PSMB4: variants seen among roughly 807,000 people sequenced by gnomAD.
PSMB4 encodes proteasome 20S subunit beta 4.
In PSMB4, 16 loss-of-function variants were observed where a neutral mutation model predicts 35.2. The observed-to-expected ratio is 0.45, with a 90% CI of 0.31 to 0.69. The LOEUF (loss-of-function observed/expected upper bound fraction) is 0.69. Among genes scored for constraint, PSMB4 ranks in the 30% least tolerant of loss-of-function variants. PSMB4 has a pLI of 0.06. For missense variants in PSMB4, 333 were observed against 351.8 expected (o/e 0.95, Z 0.43); for synonymous variants, 144 against 134.1 (o/e 1.07, Z -0.51).
chr1:151,401,226 C>T lies in PSMB4; in HGVS notation c.577-13C>T, dbSNP rs201621447. On this transcript the variant is annotated splice_polypyrimidine_tract_variant and intron_variant, in intron 4 of 6. Transcript: ENST00000290541. ...CCCAATATCCCCCCATGGTTTTCCCCCAATCTCCCTAGCCTCTGCTGCGAG... is the reference window on the plus strand; with the variant it reads ...CCCAATATCCCCCCATGGTTTTCCCTCAATCTCCCTAGCCTCTGCTGCGAG... 5.0e-6 allele frequency: 8 copies of T among 1,610,680 alleles called. No individual in the cohort carries two copies. The East Asian group carries it at 1.8e-4, about 36-fold the overall frequency.
chr1:151,401,638 A>G lies in PSMB4; in HGVS notation c.782+8A>G. ...TATTGCCCACATGATCAGGTGAGTA[A>G]TAGGGAAAAAATTGGTGACAGACTT... is the stretch of plus-strand genomic sequence containing the variant. On this transcript the variant is annotated splice_region_variant and intron_variant, in intron 6 of 6. Transcript: ENST00000290541. 6.3e-7 allele frequency: 1 copy of G among 1,594,106 alleles called. No homozygotes were observed.
chr1:151,401,092 A>G, intron 4 of PSMB4, 147 bp from the exon 5 acceptor site: 1 of 817,420 alleles, frequency 1.2e-6, no homozygotes. Flanking sequence ...AGTGGCTCTT[A>G]GCTTATTTTC....
Position 151,400,770 on chromosome 1 carries a change from C to T in PSMB4, c.501C>T (p.Leu167=), listed in dbSNP as rs750425737. ...IGGYADGESF[L]GYVDMLGVAY... ...ACCCATTGTGTCCTGTTAGCTTCCT[C>T]GGTTATGTGGACATGCTTGGTGTAG... The change falls in exon 4 of 7, where the codon CTC becomes CTT. Residue 167 remains leucine, a synonymous_variant. Coordinates refer to ENST00000290541, the MANE Select transcript of PSMB4 (RefSeq NM_002796.3). The T allele has an allele frequency of 1.9e-6, 3 of 1,614,140 alleles. No homozygotes were observed. Among genetic ancestry groups the T allele is most frequent in the Non-Finnish European group, 2.5e-6 (3 of 1,180,018 alleles).
At position 151,400,505 on chromosome 1, in the gene PSMB4, G is replaced by C; in HGVS notation, c.411G>C (p.Leu137=). 1 of 1,614,032 alleles carries C rather than the reference G, an allele frequency of 6.2e-7. No homozygotes were observed. The highest frequency in any genetic ancestry group is 1.3e-5 in the African/African-American group (1 of 75,038). The part of the protein sequence containing the change: ...SYSPRAIHSW[L]TRAMYSRRSK... ...GTCCTAGAGCTATTCATTCATGGCTGACCAGGGCCATGTACAGCCGGCGCT... is the reference window on the plus strand; with the variant it reads ...GTCCTAGAGCTATTCATTCATGGCTCACCAGGGCCATGTACAGCCGGCGCT... The change falls in exon 3 of 7, where the codon CTG becomes CTC. Residue 137 remains leucine (L), a synonymous_variant. Transcript: ENST00000290541.
chr1:151,400,981 G>T, intron 4 of PSMB4, 136 bp downstream of exon 4: 1 of 938,862 alleles, frequency 1.1e-6, no homozygotes, highest in South Asian at 1.4e-5. Context: ...TTTCTTTGTA[G>T]TCTGGGGGCT....
In PSMB4 at chr1:151,401,508, C is replaced by T. The variant is rs761578992; in HGVS notation, c.694-34C>T. On this transcript the variant is annotated intron_variant, in intron 5 of 6. Transcript: ENST00000290541. ...TGACCTTTCATTTAAGGACTTAAGG[C>T]GTGGGCATTATTGAATGCTCTGCTT... 2.7e-5 allele frequency: 42 copies of T among 1,563,904 alleles called. No individual in the cohort carries two copies. The East Asian group carries it at 5.6e-4, about 21-fold the overall frequency.
rs540582656 is a variant in PSMB4, at chr1:151,401,550, C to A, written c.702C>A (p.Ile234=). ...RDARSYNRFQ[I]ATVTEKGVEI... ...GCTCTGCTTTCTTCCAGTTTCAAAT[C>A]GCCACTGTCACCGAAAAAGGTGTTG... The change falls in exon 6 of 7, where the codon ATC becomes ATA. Residue 234 remains isoleucine (I), a synonymous_variant. Transcript: ENST00000290541. 5 of 1,610,632 alleles carry A rather than the reference C, an allele frequency of 3.1e-6. No individual in the cohort carries two copies. Among genetic ancestry groups the A allele is most frequent in the Non-Finnish European group, 2.5e-6 (3 of 1,176,844 alleles).
chr1:151,400,653 T>C, intron 3 of PSMB4, 65 bp downstream of exon 3: 1 of 1,612,188 alleles, frequency 6.2e-7, no homozygotes, highest in Non-Finnish European at 8.5e-7. Context: ...TAGTATCTCT[T>C]CTGTCTCTTC....
intron 4 of PSMB4, 177 bp from the exon 5 acceptor site, chr1:151,401,062 A>G (rs1571305689): frequency 1.3e-6 from 1 of 755,892 alleles, no homozygotes; most frequent in Non-Finnish European, 2.3e-6. Flanking sequence ...AAGAGAGGAC[A>G]CCCTAGAACT....
At chr1:151,400,218 C>G (rs1013323907) in intron 2 of PSMB4, 31 bp downstream of exon 2, 5 of 1,604,926 alleles carry the variant, frequency 3.1e-6, no homozygotes, top group Admixed American at 1.7e-5. Flanking sequence ...GAGAGTGGTT[C>G]CCAAGTAGAG....
At position 151,400,647 on chromosome 1, in the gene PSMB4, A is replaced by G. The variant is rs763115700; in HGVS notation, c.494+59A>G. On this transcript the variant is annotated intron_variant, in intron 3 of 6. Transcript: ENST00000290541. ...CCACCCAACCTAGTACCTGTGTAGTATCTCTTCTGTCTCTTCTCCCCAAGT... is the reference window on the plus strand; with the variant it reads ...CCACCCAACCTAGTACCTGTGTAGTGTCTCTTCTGTCTCTTCTCCCCAAGT... 7 of 1,612,436 alleles carry G rather than the reference A, an allele frequency of 4.3e-6. No homozygotes were observed. In the African/African-American group the frequency reaches 8.0e-5, roughly 18 times the overall value.
chr1:151,399,995 C>T lies in PSMB4; in HGVS notation c.155C>T (p.Thr52Ile), dbSNP rs746758423. Residue 52 changes from threonine to isoleucine, a missense_variant, in exon 2 of 7, where the codon ACC becomes ATC. Physicochemically the swap from Thr to Ile is moderately conservative, Grantham distance 89 (BLOSUM62 -1). Coordinates refer to ENST00000290541, the MANE Select transcript of PSMB4 (RefSeq NM_002796.3). ...TCACTCTTTAGGAACCCCATGGTGACCGGGACCTCAGTCCTCGGCGTTAAG... is the reference window on the plus strand; with the variant it reads ...TCACTCTTTAGGAACCCCATGGTGATCGGGACCTCAGTCCTCGGCGTTAAG... ...PITRTQNPMV[T>I]GTSVLGVKFE... 5 of 1,613,914 alleles carry T rather than the reference C, an allele frequency of 3.1e-6. No homozygotes were observed. Among genetic ancestry groups the T allele is most frequent in the East Asian group, 2.2e-5 (1 of 44,892 alleles).
At chr1:151,401,707 T>C in intron 6 of PSMB4, 77 bp downstream of exon 6, 11 of 1,540,624 alleles carry the variant, frequency 7.1e-6, no homozygotes, top group South Asian at 2.2e-5. Flanking sequence ...TCTGGGAGGC[T>C]CACCCAGGAA....
chr1:151,401,550 C>G lies in PSMB4; in HGVS notation c.702C>G (p.Ile234Met), dbSNP rs540582656. The G allele has an allele frequency of 1.2e-6, 2 of 1,610,632 alleles. No individual in the cohort carries two copies. The highest frequency in any genetic ancestry group is 1.7e-6 in the Non-Finnish European group (2 of 1,176,844). The change falls in exon 6 of 7, where the codon ATC (isoleucine) becomes ATG (methionine). Residue 234 changes from isoleucine to methionine, a missense_variant. Coordinates refer to ENST00000290541, the MANE Select transcript of PSMB4 (RefSeq NM_002796.3). ...GCTCTGCTTTCTTCCAGTTTCAAAT[C>G]GCCACTGTCACCGAAAAAGGTGTTG... ...RDARSYNRFQ[I>M]ATVTEKGVEI...
In PSMB4 at chr1:151,399,608, G is replaced by A. The variant is rs747539297; in HGVS notation, c.21G>A (p.Ser7=). 1 of 1,611,554 alleles carries A rather than the reference G, an allele frequency of 6.2e-7. No individual in the cohort carries two copies. Among genetic ancestry groups the A allele is most frequent in the Non-Finnish European group, 8.5e-7 (1 of 1,179,162 alleles). Residue 7 remains serine, a synonymous_variant, in exon 1 of 7, where the codon TCG becomes TCA. Transcript: ENST00000290541. MEAFLG[S]RSGLWAGGPA... Reference sequence around the variant, plus strand: ...CTAAGATGGAAGCGTTTTTGGGGTCGCGGTCCGGACTTTGGGCGGGGGGTC... The same window carrying A: ...CTAAGATGGAAGCGTTTTTGGGGTCACGGTCCGGACTTTGGGCGGGGGGTC...
Position 151,400,186 on chromosome 1 carries a change from G to A in PSMB4, c.346G>A (p.Val116Met). 1 of 1,613,918 alleles carries A rather than the reference G, an allele frequency of 6.2e-7. No individual in the cohort carries two copies. The highest frequency in any genetic ancestry group is 1.6e-4 in the Middle Eastern group (1 of 6,062). ...TTTGAAGCAAGTTCTCGGCCAGATG[G>A]TGTAAGTCATCCAGAGAACAGGAGA... ...QYLKQVLGQMVIDEELLGDGH... is the reference protein window; with the variant it reads ...QYLKQVLGQMMIDEELLGDGH... The change falls in exon 2 of 7, where the codon GTG becomes ATG. Residue 116 changes from valine to methionine, a missense_variant and splice_region_variant. Physicochemically the swap from Val to Met is conservative, Grantham distance 21. Coordinates refer to ENST00000290541, the MANE Select transcript of PSMB4 (RefSeq NM_002796.3).
chr1:151,401,262 G>GA lies in PSMB4; in HGVS notation c.602dup (p.Gln202AlafsTer42). On this transcript the variant is annotated frameshift_variant, in exon 5 of 7. Transcript: ENST00000290541. LOFTEE classifies it high-confidence loss of function. Reference sequence around the variant, plus strand: ...AGCCTCTGCTGCGAGAAGTTCTGGAGAAGCAGCCAGTGCTAAGCCAGACCG... The same window carrying GA: ...AGCCTCTGCTGCGAGAAGTTCTGGAGAAAGCAGCCAGTGCTAAGCCAGACCG... The GA allele has an allele frequency of 1.2e-6, 2 of 1,614,082 alleles. No individual in the cohort carries two copies. The highest frequency in any genetic ancestry group is 1.7e-6 in the Non-Finnish European group (2 of 1,180,026).
intron 4 of PSMB4, 105 bp downstream of exon 4, chr1:151,400,950 C>T (rs1429610992): frequency 1.3e-5 from 16 of 1,186,860 alleles, no homozygotes; most frequent in Non-Finnish European, 1.9e-5. Context: ...GGGCTGGGAT[C>T]GCTATTACTG....
intron 1 of PSMB4, 45 bp downstream of exon 1, chr1:151,399,772 G>A (rs1216970365): frequency 1.2e-6 from 2 of 1,612,132 alleles, no homozygotes; most frequent in Non-Finnish European, 1.7e-6. Context: ...GGGACCGTGG[G>A]GCCTGGTGCT....
Sources: gnomAD v4.1 joint callset for allele counts on GRCh38, gnomAD v4.1.1 for gene constraint, MANE v1.5 for transcripts, NCBI Gene and HGNC (gene_info 2026-07-23, HGNC 2026-07-21) for gene names.